Variants in KCNQ1OT1 observed in about 807,000 individuals in gnomAD.
The protein encoded by KCNQ1OT1 is KCNQ1 opposite strand/antisense transcript 1.
chr11:2,660,956 G>A (rs2133854590), exon 1 of KCNQ1OT1: 1 of 398,570 alleles, frequency 2.5e-6, no homozygotes, highest in South Asian at 1.3e-4. Context: ...GGTTAGCTGT[G>A]GCCAATCTAA....
Position 2,657,330 on chromosome 11 carries a change from C to G in KCNQ1OT1, n.42665G>C. 2.5e-6 allele frequency: 1 copy of G among 398,590 alleles called. No homozygotes were observed. The highest frequency in any genetic ancestry group is 4.4e-6 in the Non-Finnish European group (1 of 226,058). 24.7% of individuals were successfully genotyped at this position (398,590 alleles called of 1,614,324 possible). ...GATAATCTTTTCAGTATTGAGTCTTCTAGTCATTGGAATGAAGGCATATTT... is the reference window on the plus strand; with the variant it reads ...GATAATCTTTTCAGTATTGAGTCTTGTAGTCATTGGAATGAAGGCATATTT... On this transcript the variant is annotated non_coding_transcript_exon_variant, in exon 1 of 1. Coordinates refer to ENST00000597346, the Ensembl canonical transcript of KCNQ1OT1. This position sits in a 1 kb window ranked among gnomAD's most constrained non-coding sequence, Gnocchi z 4.8.
chr11:2,608,441 G>A lies in KCNQ1OT1; in HGVS notation n.91554C>T. 2.5e-6 allele frequency: 1 copy of A among 398,288 alleles called. No homozygotes were observed. Among genetic ancestry groups the A allele is most frequent in the Non-Finnish European group, 4.4e-6 (1 of 225,992 alleles). 24.7% of individuals were successfully genotyped at this position (398,288 alleles called of 1,614,324 possible). Reference sequence around the variant, plus strand: ...TTCCTTCATAATCCTTTTTATTTCTGTCAGGTTGGTAGTATACTTCCCTCA... The same window carrying A: ...TTCCTTCATAATCCTTTTTATTTCTATCAGGTTGGTAGTATACTTCCCTCA... On this transcript the variant is annotated non_coding_transcript_exon_variant, in exon 1 of 1. Coordinates refer to ENST00000597346, the Ensembl canonical transcript of KCNQ1OT1. This position sits in a 1 kb window ranked among gnomAD's most constrained non-coding sequence, Gnocchi z 4.6.
At chr11:2,632,872 A>G (rs878976773) in exon 1 of KCNQ1OT1, 20 of 398,480 alleles carry the variant, frequency 5.0e-5, no homozygotes, top group Admixed American at 4.8e-4. Flanking sequence ...CAGTACTGCA[A>G]TAAACATGAG....
exon 1 of KCNQ1OT1, chr11:2,686,371 C>G (rs955008422): frequency 2.5e-6 from 1 of 398,586 alleles, no homozygotes; most frequent in Non-Finnish European, 4.4e-6. Flanking sequence ...TTGGGCTTAT[C>G]AGCAGAGCCA....
At position 2,645,352 on chromosome 11, in the gene KCNQ1OT1, G is replaced by A. The variant is rs1025935996; in HGVS notation, n.54643C>T. On this transcript the variant is annotated non_coding_transcript_exon_variant, in exon 1 of 1. Transcript: ENST00000597346. This position sits in a 1 kb window ranked among gnomAD's most constrained non-coding sequence, Gnocchi z 5.8. ...AGGGTGATCCCTAGGCCCAGAGATG[G>A]TATGCGCTGGCACTGGGAGAAAAGA... 1.5e-5 allele frequency: 6 copies of A among 398,658 alleles called. No individual in the cohort carries two copies. The highest frequency in any genetic ancestry group is 2.2e-5 in the Non-Finnish European group (5 of 226,224). 24.7% of individuals were successfully genotyped at this position (398,658 alleles called of 1,614,324 possible).
rs34219164 is a variant in KCNQ1OT1 at position 2,674,832 on chromosome 11, TAAAAAAAA to T, written n.25155_25162del. Reference sequence around the variant, plus strand: ...GCTTGTCACCCTAATAGCTGTTTTTTAAAAAAAAAAAAAAAAAAAAAAAAAAAAGCTCA... The same window carrying T: ...GCTTGTCACCCTAATAGCTGTTTTTTAAAAAAAAAAAAAAAAAAAAGCTCA... On this transcript the variant is annotated non_coding_transcript_exon_variant, in exon 1 of 1. Coordinates refer to ENST00000597346, the Ensembl canonical transcript of KCNQ1OT1. This position sits in a 1 kb window ranked among gnomAD's most constrained non-coding sequence, Gnocchi z 5.9. 3.3e-5 allele frequency: 10 copies of T among 303,898 alleles called. No homozygotes were observed. The highest frequency in any genetic ancestry group is 1.4e-4 in the African/African-American group (4 of 27,852). 18.8% of individuals were successfully genotyped at this position (303,898 alleles called of 1,614,324 possible). A position where few individuals can be genotyped will look rare whatever the true frequency, so the allele number is the denominator to read the frequency against.
At chr11:2,619,851 G>A in exon 1 of KCNQ1OT1, 1 of 398,182 alleles carries the variant, frequency 2.5e-6, no homozygotes, top group Non-Finnish European at 4.4e-6. Context: ...GAGGTTTTGG[G>A]GTTTTTTTAA....
chr11:2,699,643 C>G lies in KCNQ1OT1; in HGVS notation n.352G>C, dbSNP rs80269905. ...AACCGCGCCGAAGAACCCCCGGGGA[C>G]AACCGCGCCGAAGAACCCCCGGGGA... On this transcript the variant is annotated non_coding_transcript_exon_variant, in exon 1 of 1. Coordinates refer to ENST00000597346, the Ensembl canonical transcript of KCNQ1OT1. 13,072 of 365,978 alleles carry G rather than the reference C, an allele frequency of 0.036. 1,306 individuals are homozygous for G. Among genetic ancestry groups the G allele is most frequent in the African/African-American group, 0.18 (7,186 of 39,858 alleles). The allele number at this position is 365,978 out of a possible 1,614,324, so 22.7% of individuals were successfully genotyped here. A position where few individuals can be genotyped will look rare whatever the true frequency, so the allele number is the denominator to read the frequency against.
chr11:2,656,503 T>G, exon 1 of KCNQ1OT1: 1 of 398,708 alleles, frequency 2.5e-6, no homozygotes. Flanking sequence ...CATGAGCTCC[T>G]GAGTTTATTT....
exon 1 of KCNQ1OT1, chr11:2,675,107 G>A: frequency 2.5e-6 from 1 of 398,688 alleles, no homozygotes. Context: ...GGACAGACCT[G>A]AAGGTGGGTT....
In KCNQ1OT1 at chr11:2,691,225, G is replaced by A. The variant is rs530671756; in HGVS notation, n.8770C>T. 1.3e-5 allele frequency: 5 copies of A among 398,624 alleles called. No individual in the cohort carries two copies. The highest frequency in any genetic ancestry group is 4.4e-5 in the Admixed American group (1 of 22,728). 24.7% of individuals were successfully genotyped at this position (398,624 alleles called of 1,614,324 possible). A position where few individuals can be genotyped will look rare whatever the true frequency, so the allele number is the denominator to read the frequency against. On this transcript the variant is annotated non_coding_transcript_exon_variant, in exon 1 of 1. Coordinates refer to ENST00000597346, the Ensembl canonical transcript of KCNQ1OT1. The surrounding 1 kb of genome is among the most constrained non-coding windows in gnomAD (Gnocchi z 6.4). ...AAAATTAGCAAGTGGAGGAGTTAGA[G>A]GATCTGCAGTTAACCCCTTGAGTCT...
chr11:2,616,449 G>A (rs1849065951), exon 1 of KCNQ1OT1: 7 of 396,956 alleles, frequency 1.8e-5, no homozygotes, highest in Middle Eastern at 6.3e-4. Flanking sequence ...GGTTTACTTC[G>A]TTCTTCTTTC....
At position 2,609,510 on chromosome 11, in the gene KCNQ1OT1, G is replaced by A. The variant is rs113401279; in HGVS notation, n.90485C>T. ...GTATATTCAATGTTGGTTGTTGGGC[G>A]AAGTGCTCTATAATTACCTTTTGAG... On this transcript the variant is annotated non_coding_transcript_exon_variant, in exon 1 of 1. Transcript: ENST00000597346. 7.1e-3 allele frequency: 2,817 copies of A among 398,296 alleles called. 56 individuals are homozygous for A. The highest frequency in any genetic ancestry group is 0.054 in the South Asian group (421 of 7,846). 24.7% of individuals were successfully genotyped at this position (398,296 alleles called of 1,614,324 possible). A position where few individuals can be genotyped will look rare whatever the true frequency, so the allele number is the denominator to read the frequency against.
At chr11:2,649,086 A>G in exon 1 of KCNQ1OT1, 1 of 384,222 alleles carries the variant, frequency 2.6e-6, no homozygotes, top group Non-Finnish European at 4.5e-6. Flanking sequence ...CCATTCCCTT[A>G]CAGTCTATGG....
At chr11:2,615,910 T>G in exon 1 of KCNQ1OT1, 2 of 398,170 alleles carry the variant, frequency 5.0e-6, no homozygotes. Flanking sequence ...TCTCCTCTGT[T>G]TTTTGGAAGA....
At chr11:2,688,833 T>C (rs1850541224) in exon 1 of KCNQ1OT1, 1 of 398,840 alleles carries the variant, frequency 2.5e-6, no homozygotes, top group Non-Finnish European at 4.4e-6. Context: ...CAAAGAGAGA[T>C]GGCACTCCAG....
exon 1 of KCNQ1OT1, chr11:2,622,746 G>A (rs1037222857): frequency 5.0e-6 from 2 of 398,382 alleles, no homozygotes; most frequent in African/African-American, 4.1e-5. Context: ...CAGTTTTAGG[G>A]TTCCAGCAAA....
At position 2,658,390 on chromosome 11, in the gene KCNQ1OT1, A is replaced by G. The variant is rs563376632; in HGVS notation, n.41605T>C. On this transcript the variant is annotated non_coding_transcript_exon_variant, in exon 1 of 1. Coordinates refer to ENST00000597346, the Ensembl canonical transcript of KCNQ1OT1. The surrounding 1 kb of genome is among the most constrained non-coding windows in gnomAD (Gnocchi z 4.9). ...TATTTATTTTTTGAGTTATAGTCCAATATTATTTATTTTGTTGCTCAAATT... is the reference window on the plus strand; with the variant it reads ...TATTTATTTTTTGAGTTATAGTCCAGTATTATTTATTTTGTTGCTCAAATT... 2.6e-4 allele frequency: 104 copies of G among 398,478 alleles called. No homozygotes were observed. The highest frequency in any genetic ancestry group is 2.0e-3 in the African/African-American group (95 of 48,684). 24.7% of individuals were successfully genotyped at this position (398,478 alleles called of 1,614,324 possible). A position where few individuals can be genotyped will look rare whatever the true frequency, so the allele number is the denominator to read the frequency against.
chr11:2,673,778 G>A lies in KCNQ1OT1; in HGVS notation n.26217C>T. The stretch of plus-strand genomic sequence containing the variant: ...TCCCTTCTTGCTGGTATGTTGGGAA[G>A]CTCTGGTGCAAAGGGCAGTGATGGC... On this transcript the variant is annotated non_coding_transcript_exon_variant, in exon 1 of 1. Transcript: ENST00000597346. The surrounding 1 kb of genome is among the most constrained non-coding windows in gnomAD (Gnocchi z 4.5). 1 of 398,714 alleles carries A rather than the reference G, an allele frequency of 2.5e-6. No individual in the cohort carries two copies. Among genetic ancestry groups the A allele is most frequent in the Admixed American group, 4.4e-5 (1 of 22,740 alleles). The allele number at this position is 398,714 out of a possible 1,614,324, so 24.7% of individuals were successfully genotyped here.
Sources: allele counts gnomAD v4.1 joint callset, GRCh38; gene constraint gnomAD v4.1.1; non-coding constraint Gnocchi (gnomAD v3.1); transcripts MANE v1.5; gene names NCBI Gene and HGNC (gene_info 2026-07-23, HGNC 2026-07-21).